Variants in PACS1 observed in about 807,000 individuals in gnomAD.
The protein encoded by PACS1 is phosphofurin acidic cluster sorting protein 1, also known as PACS-1.
A neutral mutation model predicts 115.0 loss-of-function variants in PACS1; 24 were observed. The observed-to-expected ratio is 0.21, with a 90% CI of 0.15 to 0.29. The LOEUF (loss-of-function observed/expected upper bound fraction) is 0.29, where lower values mean the gene tolerates loss of function less well. PACS1 is among the 10% of genes least tolerant of loss of function. PACS1 has a pLI of 1.00. For missense variants in PACS1, 838 were observed against 1,251.2 expected (o/e 0.67, Z 4.98); for synonymous variants, 453 against 504.5 (o/e 0.90, Z 1.37).
chr11:66,137,900 T>C (rs766542799), intron 1 of PACS1, among the ~76,000 whole-genome samples: 19 of 152,258 alleles, frequency 1.2e-4, no homozygotes, highest in Non-Finnish European at 2.2e-4. Context: ...TGCAAATTCT[T>C]TTTTTATTTT....
At chr11:66,241,216 G>C in intron 21 of PACS1, 1 of 520,932 alleles carries the variant, frequency 1.9e-6, no homozygotes, top group South Asian at 2.9e-5. Flanking sequence ...TTTCCTTTTC[G>C]TGACTTGGGC....
At chr11:66,238,169 C>G (rs1037217755) in intron 19 of PACS1, 2 of 985,194 alleles carry the variant, frequency 2.0e-6, no homozygotes, top group African/African-American at 1.7e-5. Flanking sequence ...AAAGAACCCC[C>G]CCACCCCCAT....
At chr11:66,104,308 T>C (rs577376093) in intron 1 of PACS1, among the ~76,000 whole-genome samples, 29 of 152,274 alleles carry the variant, frequency 1.9e-4, no homozygotes, top group African/African-American at 6.7e-4. Flanking sequence ...CTTAATGGAA[T>C]TTTCCAGTTG....
At chr11:66,115,951 A>G (rs1281190687) in intron 1 of PACS1, among the ~76,000 whole-genome samples, 1 of 152,232 alleles carries the variant, frequency 6.6e-6, no homozygotes, top group Non-Finnish European at 1.5e-5. Context: ...CAGCTGTCAT[A>G]TCTGAGGGTT....
At chr11:66,081,408 C>T (rs765643813) in intron 1 of PACS1, among the ~76,000 whole-genome samples, 7 of 151,954 alleles carry the variant, frequency 4.6e-5, no homozygotes, top group South Asian at 2.1e-4. Context: ...CTAATTTCTC[C>T]GTCTTCCCTG....
chr11:66,143,259 T>G (rs1859040353), intron 1 of PACS1, among the ~76,000 whole-genome samples: 1 of 152,204 alleles, frequency 6.6e-6, no homozygotes, highest in Admixed American at 6.5e-5. Flanking sequence ...TCTGGATTAT[T>G]TAAAACTTCT....
chr11:66,190,603 G>A (rs767333920), intron 1 of PACS1, among the ~76,000 whole-genome samples: 4 of 152,096 alleles, frequency 2.6e-5, no homozygotes, highest in Non-Finnish European at 5.9e-5. Context: ...GCCCAGGCTG[G>A]CCTCGAACTA....
chr11:66,219,606 G>A (rs767321148), intron 7 of PACS1, 140 bp from the exon 8 acceptor site: 1 of 750,654 alleles, frequency 1.3e-6, no homozygotes, highest in Admixed American at 1.9e-5. Flanking sequence ...GGCTTTGAGT[G>A]CCAAGGGCAG....
chr11:66,222,534 G>A (rs1207140610), intron 10 of PACS1, among the ~76,000 whole-genome samples: 3 of 152,094 alleles, frequency 2.0e-5, no homozygotes, highest in Non-Finnish European at 4.4e-5. Context: ...ACAATGGAAG[G>A]CAAGTGAGTG....
chr11:66,094,984 C>T (rs1377053784), intron 1 of PACS1, among the ~76,000 whole-genome samples: 7 of 143,886 alleles, frequency 4.9e-5, no homozygotes, highest in African/African-American at 1.5e-4. Flanking sequence ...AGGCCTTTGA[C>T]AAAATTCAAC....
At chr11:66,147,202 A>G (rs1859146399) in intron 1 of PACS1, among the ~76,000 whole-genome samples, 1 of 152,240 alleles carries the variant, frequency 6.6e-6, no homozygotes, top group Non-Finnish European at 1.5e-5. Flanking sequence ...ATGGAATGAC[A>G]TATTCAAAGT....
At chr11:66,179,762 A>G (rs1859957442) in intron 1 of PACS1, among the ~76,000 whole-genome samples, 1 of 152,192 alleles carries the variant, frequency 6.6e-6, no homozygotes, top group South Asian at 2.1e-4. Context: ...AACCATAGGT[A>G]CTTTTTCTTT....
chr11:66,211,368 A>G (rs969274150), intron 4 of PACS1, 109 bp downstream of exon 4: 3 of 1,161,566 alleles, frequency 2.6e-6, no homozygotes, highest in Non-Finnish European at 3.6e-6. Context: ...CCTGCTGGCT[A>G]GGTGCTTAAT....
At chr11:66,082,998 T>C (rs886337141) in intron 1 of PACS1, among the ~76,000 whole-genome samples, 10 of 152,322 alleles carry the variant, frequency 6.6e-5, no homozygotes, top group Admixed American at 6.5e-4. Context: ...CCTTTTACAT[T>C]GTCTTCACAA....
At chr11:66,105,194 C>T (rs1013924917) in intron 1 of PACS1, among the ~76,000 whole-genome samples, 4 of 152,058 alleles carry the variant, frequency 2.6e-5, no homozygotes, top group East Asian at 1.9e-4. Flanking sequence ...GAGGCCGAGG[C>T]GGGCAGATCA....
Position 66,101,007 on chromosome 11 carries a change from A to G in PACS1, c.356+30165A>G, listed in dbSNP as rs1312604456. The G allele has an allele frequency of 2.6e-5, 11 of 415,214 alleles. No homozygotes were observed. In the Admixed American group the frequency reaches 2.7e-4, roughly 10 times the overall value. The allele number at this position is 415,214 out of a possible 1,614,324, so 25.7% of individuals were successfully genotyped here. On this transcript the variant is annotated intron_variant, in intron 1 of 23. Transcript: ENST00000320580. ...TACTGCATTCTGCTGGTTAGAAGGA[A>G]GTCACTAAAGCCAGCCATATTCAGG...
At chr11:66,091,686 A>C (rs1321848167) in intron 1 of PACS1, among the ~76,000 whole-genome samples, 2 of 147,368 alleles carry the variant, frequency 1.4e-5, no homozygotes, top group Admixed American at 6.8e-5. Context: ...CCCACCCCAC[A>C]ACAGTCCCCA....
rs1858490617 is a variant in PACS1 at position 66,123,372 on chromosome 11, AG to A, written c.356+52531del. On this transcript the variant is annotated intron_variant, in intron 1 of 23. Transcript: ENST00000320580. Reference sequence around the variant, plus strand: ...ATGTCCAGCTAATTTTTGTATTTTTAGTAGAGACAGGGTTTTGCCATGTTGG... The same window carrying A: ...ATGTCCAGCTAATTTTTGTATTTTTATAGAGACAGGGTTTTGCCATGTTGG... Among the ~76,000 whole-genome samples, 2 of 151,236 alleles carry A rather than the reference AG, an allele frequency of 1.3e-5. 1 individual carries two copies. Among genetic ancestry groups the A allele is most frequent in the South Asian group, 4.2e-4 (2 of 4,782 alleles).
chr11:66,118,607 G>A (rs1858362690), intron 1 of PACS1, among the ~76,000 whole-genome samples: 1 of 151,584 alleles, frequency 6.6e-6, no homozygotes, highest in Non-Finnish European at 1.5e-5. Flanking sequence ...GTGAGATCTT[G>A]TCTCTAAAAT....
Sources: gnomAD v4.1 joint callset for allele counts (sites outside exome capture counted in the v4.1 genomes callset) on GRCh38, gnomAD v4.1.1 for gene constraint, MANE v1.5 for transcripts, NCBI Gene and HGNC (gene_info 2026-07-23, HGNC 2026-07-21) for gene names.